The following TAFA5 variants were observed in gnomAD, a reference collection of about 807,000 sequenced individuals.
TAFA5 encodes chemokine-like protein TAFA-5.
In TAFA5, 6 loss-of-function variants were observed where a neutral mutation model predicts 15.3. The ratio of observed to expected loss-of-function variants is 0.39; its 90% CI spans 0.21 to 0.77. The LOEUF (loss-of-function observed/expected upper bound fraction) is 0.77, where lower values mean the gene tolerates loss of function less well. TAFA5 is among the 30% of genes least tolerant of loss of function. The probability of loss-of-function intolerance (pLI) is 0.41; values close to 1 mark genes in which losing one functional copy is unlikely to be tolerated. For missense variants in TAFA5, 161 were observed against 193.1 expected, an observed-to-expected ratio of 0.83 and a Z score of 0.98; for synonymous variants, 103 against 80.7, an observed-to-expected ratio of 1.28 and a Z score of -1.48.
At chr22:48,667,098 C>T (rs577006109) in intron 2 of TAFA5, among the ~76,000 whole-genome samples, 3 of 152,096 alleles carry the variant, frequency 2.0e-5, no homozygotes, top group Non-Finnish European at 2.9e-5. Context: ...GGTAGCACCC[C>T]GACCCTCACC....
intron 3 of TAFA5, among the ~76,000 whole-genome samples, chr22:48,725,441 G>A (rs1373522151): frequency 6.6e-6 from 1 of 152,182 alleles, no homozygotes; most frequent in Non-Finnish European, 1.5e-5. Context: ...GATCTCTGCA[G>A]TAAACAGACA....
intron 1 of TAFA5, among the ~76,000 whole-genome samples, chr22:48,575,302 C>A (rs1261250435): frequency 2.0e-5 from 3 of 151,472 alleles, no homozygotes; most frequent in African/African-American, 4.8e-5. Flanking sequence ...CCCGCCGGCG[C>A]GCCAGGCGGG....
chr22:48,719,730 C>T lies in TAFA5; in HGVS notation c.390+11886C>T, dbSNP rs538359255. Among the ~76,000 whole-genome samples, 5 of 152,368 alleles carry T rather than the reference C, an allele frequency of 3.3e-5. No individual in the cohort carries two copies. In the South Asian group the frequency reaches 1.0e-3, roughly 32 times the overall value. ...AACAATGAAAAATACTAAGTCATTA[C>T]TCTGCTCCCTGTCTGCAATCCATTT... On this transcript the variant is annotated intron_variant, in intron 3 of 3. Transcript: ENST00000402357.
At position 48,506,194 on chromosome 22, in the gene TAFA5, AC is replaced by A. The variant is rs146772023; in HGVS notation, c.112+16494del. ...TCCTCCTGCAGCCCCGCACTTGTTC[AC>A]CCCTGGTCTCCATGACCTTTCATGA... On this transcript the variant is annotated intron_variant, in intron 1 of 3. Transcript: ENST00000402357. 3.3e-3 allele frequency among the ~76,000 whole-genome samples: 501 copies of A among 152,084 alleles called. 11 individuals are homozygous for A. The East Asian group carries it at 0.051, about 16-fold the overall frequency.
intron 3 of TAFA5, among the ~76,000 whole-genome samples, chr22:48,724,467 C>A (rs141987664): frequency 6.6e-6 from 1 of 152,188 alleles, no homozygotes; most frequent in Non-Finnish European, 1.5e-5. Flanking sequence ...GATGGGCTCC[C>A]CTGCAAGTCC....
At chr22:48,536,883 C>T (rs947481475) in intron 1 of TAFA5, among the ~76,000 whole-genome samples, 3 of 152,202 alleles carry the variant, frequency 2.0e-5, no homozygotes, top group Non-Finnish European at 4.4e-5. Flanking sequence ...AGGCAGCCCC[C>T]GGACACCCTG....
At chr22:48,679,719 CGGCTCCCCGTCCATCCCTCTCCT>C (rs1928114687) in intron 2 of TAFA5, among the ~76,000 whole-genome samples, 4 of 114,552 alleles carry the variant, frequency 3.5e-5, no homozygotes, top group Non-Finnish European at 7.1e-5. Context: ...ATCCCTCTCC[CGGCTCCCCGTCCATCCCTCTCCT>C]GGCTCCCCAG....
intron 3 of TAFA5, among the ~76,000 whole-genome samples, chr22:48,736,206 T>G (rs1366986994): frequency 1.3e-5 from 1 of 74,850 alleles, no homozygotes; most frequent in Non-Finnish European, 2.6e-5. Flanking sequence ...ACTCCTGGAG[T>G]CCAGAGTCCA....
intron 2 of TAFA5, among the ~76,000 whole-genome samples, chr22:48,650,173 G>A (rs962327372): frequency 6.6e-6 from 1 of 152,130 alleles, no homozygotes; most frequent in Non-Finnish European, 1.5e-5. Context: ...GTGTTGGGTC[G>A]GTGTTGGAAT....
intron 1 of TAFA5, among the ~76,000 whole-genome samples, chr22:48,570,580 CT>C (rs1351144384): frequency 6.6e-6 from 1 of 152,214 alleles, no homozygotes; most frequent in Non-Finnish European, 1.5e-5. Context: ...TCAAATTTTA[CT>C]TCTTAATTCA....
intron 2 of TAFA5, among the ~76,000 whole-genome samples, chr22:48,686,656 A>G (rs1246787000): frequency 6.6e-6 from 1 of 151,256 alleles, no homozygotes; most frequent in African/African-American, 2.4e-5. Flanking sequence ...AGGTGGATTG[A>G]TGGATGGTGG....
At chr22:48,623,362 C>T (rs1601623124) in intron 1 of TAFA5, among the ~76,000 whole-genome samples, 1 of 135,682 alleles carries the variant, frequency 7.4e-6, no homozygotes, top group Non-Finnish European at 1.5e-5. Context: ...CGGGACGTGT[C>T]GCGTGGCCCT....
At chr22:48,736,365 A>G in intron 3 of TAFA5, among the ~76,000 whole-genome samples, 1 of 22,382 alleles carries the variant, frequency 4.5e-5, no homozygotes, top group Non-Finnish European at 8.2e-5. Flanking sequence ...TCGCACTCCT[A>G]GAGTCCATCC....
At chr22:48,517,591 C>T (rs533973582) in intron 1 of TAFA5, among the ~76,000 whole-genome samples, 328 of 152,332 alleles carry the variant, frequency 2.2e-3, no homozygotes, top group African/African-American at 7.5e-3. Flanking sequence ...CTGCTCTGTC[C>T]CGCGTACGGG....
At chr22:48,688,583 C>T (rs933691237) in intron 2 of TAFA5, among the ~76,000 whole-genome samples, 9 of 152,124 alleles carry the variant, frequency 5.9e-5, no homozygotes, top group Admixed American at 2.0e-4. Flanking sequence ...GCTCGGGGGA[C>T]GGTGGCTTTC....
chr22:48,526,008 T>A (rs1428030660), intron 1 of TAFA5, among the ~76,000 whole-genome samples: 1 of 152,240 alleles, frequency 6.6e-6, no homozygotes, highest in African/African-American at 2.4e-5. Context: ...TTGGAGAATG[T>A]GTACTGGGCA....
intron 1 of TAFA5, among the ~76,000 whole-genome samples, chr22:48,637,445 T>G (rs1926490878): frequency 1.3e-5 from 2 of 152,176 alleles, no homozygotes; most frequent in African/African-American, 4.8e-5. Context: ...CCTTCTCACC[T>G]TGTCTCTTGG....
At chr22:48,655,827 A>ATTTT (rs1927217579) in intron 2 of TAFA5, among the ~76,000 whole-genome samples, 3 of 89,438 alleles carry the variant, frequency 3.4e-5, no homozygotes, top group African/African-American at 1.5e-4. Flanking sequence ...CCAAACACTG[A>ATTTT]TTCTTTTTTT....
chr22:48,531,748 TTGTC>T (rs1475819815), intron 1 of TAFA5, among the ~76,000 whole-genome samples: 3 of 151,872 alleles, frequency 2.0e-5, no homozygotes, highest in African/African-American at 7.3e-5. Flanking sequence ...TACAGGGAGG[TTGTC>T]TGGGACTGCC....
Sources: gnomAD v4.1 joint callset for allele counts (sites outside exome capture counted in the v4.1 genomes callset) on GRCh38, gnomAD v4.1.1 for gene constraint, MANE v1.5 for transcripts, NCBI Gene and HGNC (gene_info 2026-07-23, HGNC 2026-07-21) for gene names.